PDZRN3: variants seen among roughly 807,000 people sequenced by gnomAD.
The protein encoded by PDZRN3 is PDZ domain containing ring finger 3, also known as E3 ubiquitin-protein ligase PDZRN3.
Under a neutral mutation model 85.7 loss-of-function variants are expected in PDZRN3, and 38 were observed. The ratio of observed to expected loss-of-function variants is 0.44; its 90% CI spans 0.34 to 0.58. The LOEUF is 0.58. Among genes scored for constraint, PDZRN3 ranks in the 20% least tolerant of loss-of-function variants. The pLI, the probability that PDZRN3 is intolerant of heterozygous loss-of-function variation, is 0.01. For missense variants in PDZRN3, 1,629 were observed against 1,506.4 expected (o/e 1.08, Z -1.35); for synonymous variants, 759 against 638.0 (o/e 1.19, Z -2.86).
At chr3:73,399,267 C>A (rs1370296655) in intron 5 of PDZRN3, among the ~76,000 whole-genome samples, 1 of 152,202 alleles carries the variant, frequency 6.6e-6, no homozygotes, top group African/African-American at 2.4e-5. Flanking sequence ...ACAATTACAT[C>A]ATCAAAAAGC....
chr3:73,471,039 A>C (rs117227256), intron 3 of PDZRN3, among the ~76,000 whole-genome samples: 1 of 152,346 alleles, frequency 6.6e-6, no homozygotes, highest in East Asian at 1.9e-4. Context: ...CCTAACGGCC[A>C]GTCCTTCAGA....
rs751158150 is a variant in PDZRN3 at position 73,384,042 on chromosome 3, C to T, written c.2524G>A (p.Ala842Thr). Residue 842 changes from alanine to threonine, a missense_variant, in exon 10 of 10, where the codon GCC becomes ACC. Coordinates refer to ENST00000263666, the MANE Select transcript of PDZRN3 (RefSeq NM_015009.3). Reference protein sequence around the residue: ...NQPLESKERRASDGSRSPTPS... With the variant: ...NQPLESKERRTSDGSRSPTPS... ...GTGGGGCTCCGGCTCCCGTCGCTGG[C>T]TCTCCGCTCTTTGCTTTCCAGGGGC... 6.2e-7 allele frequency: 1 copy of T among 1,600,814 alleles called. No individual in the cohort carries two copies. Among genetic ancestry groups the T allele is most frequent in the Non-Finnish European group, 8.5e-7 (1 of 1,174,154 alleles).
intron 3 of PDZRN3, among the ~76,000 whole-genome samples, chr3:73,419,304 G>A (rs964596563): frequency 2.0e-5 from 3 of 152,142 alleles, no homozygotes; most frequent in Non-Finnish European, 4.4e-5. Context: ...AGTTTTTAAA[G>A]AGTAAAGTTA....
chr3:73,422,755 C>T (rs1039209565), intron 3 of PDZRN3, among the ~76,000 whole-genome samples: 3 of 152,232 alleles, frequency 2.0e-5, no homozygotes, highest in South Asian at 2.1e-4. Context: ...CAATCCATGG[C>T]GCAACTTGGA....
At chr3:73,433,112 T>C (rs1702464523) in intron 3 of PDZRN3, among the ~76,000 whole-genome samples, 1 of 152,138 alleles carries the variant, frequency 6.6e-6, no homozygotes, top group Non-Finnish European at 1.5e-5. Flanking sequence ...TTCTTAAAAA[T>C]TTCACAGACA....
At chr3:73,489,575 C>CTTTTTTTTTTTTCTTTTTTTTTTT (rs1703731360) in intron 3 of PDZRN3, among the ~76,000 whole-genome samples, 2 of 80,096 alleles carry the variant, frequency 2.5e-5, no homozygotes, top group Non-Finnish European at 4.5e-5. Flanking sequence ...AGTTTCTTTT[C>CTTTTTTTTTTTTCTTTTTTTTTTT]TTTTTTTTTT....
At chr3:73,488,920 G>A (rs981929976) in intron 3 of PDZRN3, among the ~76,000 whole-genome samples, 5 of 152,234 alleles carry the variant, frequency 3.3e-5, no homozygotes, top group African/African-American at 7.2e-5. Flanking sequence ...TGGGAGAGGC[G>A]AGGGTTGGAG....
intron 3 of PDZRN3, among the ~76,000 whole-genome samples, chr3:73,466,973 G>A (rs1703231972): frequency 3.3e-5 from 5 of 152,128 alleles, no homozygotes; most frequent in Admixed American, 3.3e-4. Flanking sequence ...ATTCTAAAAA[G>A]GGGCAAAAAT....
chr3:73,617,743 C>T (rs529421671), intron 1 of PDZRN3, among the ~76,000 whole-genome samples: 1 of 152,216 alleles, frequency 6.6e-6, no homozygotes, highest in South Asian at 2.1e-4. Context: ...CTCTGTTGCC[C>T]AGGCTGGAGT....
At chr3:73,512,570 C>A in intron 3 of PDZRN3, among the ~76,000 whole-genome samples, 1 of 151,518 alleles carries the variant, frequency 6.6e-6, no homozygotes, top group Admixed American at 6.6e-5. Context: ...CTCTCTCCTT[C>A]CATAAATAAA....
chr3:73,527,406 A>C (rs1704550176), intron 3 of PDZRN3, among the ~76,000 whole-genome samples: 1 of 152,180 alleles, frequency 6.6e-6, no homozygotes, highest in Non-Finnish European at 1.5e-5. Context: ...GATATCTTGC[A>C]TTCATAGTAA....
intron 3 of PDZRN3, among the ~76,000 whole-genome samples, chr3:73,517,743 A>G (rs1454449905): frequency 1.3e-5 from 2 of 152,248 alleles, no homozygotes; most frequent in Admixed American, 1.3e-4. Flanking sequence ...TCTGTAATGT[A>G]TAATACTTTG....
intron 3 of PDZRN3, chr3:73,569,565 C>T (rs941557664): frequency 2.9e-6 from 3 of 1,051,278 alleles, no homozygotes; most frequent in Non-Finnish European, 3.4e-6. Flanking sequence ...CCCACACCCG[C>T]ACACACATTG....
chr3:73,399,289 A>C (rs1042186705), intron 5 of PDZRN3, among the ~76,000 whole-genome samples: 2 of 152,194 alleles, frequency 1.3e-5, no homozygotes, highest in African/African-American at 4.8e-5. Flanking sequence ...GTGTCGTCCC[A>C]TAAAGATTAC....
rs1298627411 is a variant in PDZRN3, at chr3:73,494,570, G to A, written c.919-90175C>T. Among the ~76,000 whole-genome samples, 3 of 152,236 alleles carry A rather than the reference G, an allele frequency of 2.0e-5. 1 individual carries two copies. The South Asian group carries it at 6.2e-4, about 32-fold the overall frequency. On this transcript the variant is annotated intron_variant, in intron 3 of 9. Coordinates refer to ENST00000263666, the MANE Select transcript of PDZRN3 (RefSeq NM_015009.3). ...ATCAAGAGAAATGTTCATAACTTAC[G>A]GAAGAGTATTTGCCAAAAATAAGTT...
At chr3:73,425,602 A>AG (rs1225740825) in intron 3 of PDZRN3, among the ~76,000 whole-genome samples, 1 of 43,370 alleles carries the variant, frequency 2.3e-5, no homozygotes, top group East Asian at 2.8e-3. Flanking sequence ...AATAAGAAGA[A>AG]AAAAAAAAAA....
At chr3:73,600,443 T>A (rs1354673217) in intron 3 of PDZRN3, among the ~76,000 whole-genome samples, 2 of 151,814 alleles carry the variant, frequency 1.3e-5, no homozygotes, top group Non-Finnish European at 2.9e-5. Flanking sequence ...TTTTCAGTCA[T>A]GGGAATCACT....
intron 3 of PDZRN3, among the ~76,000 whole-genome samples, chr3:73,588,682 ACT>A (rs778524378): frequency 6.6e-6 from 1 of 152,076 alleles, no homozygotes; most frequent in Non-Finnish European, 1.5e-5. Context: ...GTTTATTTTT[ACT>A]CTTATCTTCT....
intron 3 of PDZRN3, among the ~76,000 whole-genome samples, chr3:73,547,672 C>G (rs955266285): frequency 6.6e-6 from 1 of 152,210 alleles, no homozygotes; most frequent in African/African-American, 2.4e-5. Flanking sequence ...AGCCCAAACT[C>G]ACTGTCACGT....
Sources: gnomAD v4.1 joint callset for allele counts (sites outside exome capture counted in the v4.1 genomes callset) on GRCh38, gnomAD v4.1.1 for gene constraint, MANE v1.5 for transcripts, NCBI Gene and HGNC (gene_info 2026-07-23, HGNC 2026-07-21) for gene names.